Variants in CNTN4 observed in about 807,000 individuals in gnomAD.
CNTN4 encodes contactin-4.
A neutral mutation model predicts 122.5 loss-of-function variants in CNTN4; 77 were observed. The observed-to-expected ratio is 0.63, with a 90% confidence interval of 0.52 to 0.76. The LOEUF (loss-of-function observed/expected upper bound fraction) is 0.76, where lower values mean the gene tolerates loss of function less well. Ranked by LOEUF, CNTN4 falls within the 30% of genes least tolerant of loss-of-function variation. CNTN4 has a pLI of 0.00. For synonymous variants in CNTN4, 512 were observed against 447.0 expected, an observed-to-expected ratio of 1.15 and a Z score of -1.83; for missense variants, 1,256 against 1,259.1, an observed-to-expected ratio of 1.00 and a Z score of 0.04.
At chr3:2,785,044 A>G (rs1001902720) in intron 6 of CNTN4, among the ~76,000 whole-genome samples, 5 of 151,784 alleles carry the variant, frequency 3.3e-5, no homozygotes, top group Non-Finnish European at 5.9e-5. Flanking sequence ...TTATTTATTC[A>G]TTCTTCTAGT....
chr3:2,427,679 G>C (rs906576630), intron 3 of CNTN4, among the ~76,000 whole-genome samples: 1 of 150,194 alleles, frequency 6.7e-6, no homozygotes, highest in Non-Finnish European at 1.5e-5. Flanking sequence ...GGGTGTTAAA[G>C]TCTCCCATTA....
chr3:2,981,270 C>G (rs1192912107), intron 13 of CNTN4, among the ~76,000 whole-genome samples: 2 of 151,914 alleles, frequency 1.3e-5, no homozygotes, highest in Admixed American at 6.6e-5. Flanking sequence ...CAGTGAAACC[C>G]CGTCTCTACT....
chr3:2,865,768 C>T (rs541999208), intron 7 of CNTN4, among the ~76,000 whole-genome samples: 1 of 152,334 alleles, frequency 6.6e-6, no homozygotes, highest in South Asian at 2.1e-4. Flanking sequence ...CATTTATACT[C>T]ACTGTCATTT....
intron 3 of CNTN4, among the ~76,000 whole-genome samples, chr3:2,459,322 G>C (rs1158271618): frequency 6.6e-6 from 1 of 151,968 alleles, no homozygotes; most frequent in Non-Finnish European, 1.5e-5. Context: ...TGTGCATTTA[G>C]AATTGGCCAC....
chr3:2,455,458 C>T lies in CNTN4; in HGVS notation c.-88-115958C>T, dbSNP rs73804577. On this transcript the variant is annotated intron_variant, in intron 3 of 24. Coordinates refer to ENST00000418658, the MANE Select transcript of CNTN4 (RefSeq NM_175607.3). Reference sequence around the variant, plus strand: ...TAGAAAAGGGAGAAAGTGGGTCTTGCTTCCTTCCCTAGTCTTTTTTCTTTT... The same window carrying T: ...TAGAAAAGGGAGAAAGTGGGTCTTGTTTCCTTCCCTAGTCTTTTTTCTTTT... 9.8e-3 allele frequency among the ~76,000 whole-genome samples: 1,496 copies of T among 151,956 alleles called. 26 individuals are homozygous for T. Among genetic ancestry groups the T allele is most frequent in the African/African-American group, 0.033 (1,368 of 41,446 alleles).
chr3:2,113,737 A>T (rs2033136409), intron 2 of CNTN4, among the ~76,000 whole-genome samples: 1 of 152,224 alleles, frequency 6.6e-6, no homozygotes, highest in South Asian at 2.1e-4. Context: ...AATATAGTCA[A>T]TATGAATGGA....
At chr3:2,600,563 G>A (rs1445918615) in intron 4 of CNTN4, among the ~76,000 whole-genome samples, 6 of 152,136 alleles carry the variant, frequency 3.9e-5, no homozygotes, top group African/African-American at 1.4e-4. Context: ...GTATTCCATG[G>A]TGTCTATGTG....
rs867593042 is a variant in CNTN4 at position 2,462,164 on chromosome 3, C to T, written c.-88-109252C>T. Among the ~76,000 whole-genome samples the T allele has an allele frequency of 5.3e-5, 8 of 152,284 alleles. No homozygotes were observed. The Middle Eastern group carries it at 0.017, about 324-fold the overall frequency. On this transcript the variant is annotated intron_variant, in intron 3 of 24. Transcript: ENST00000418658. Reference sequence around the variant, plus strand: ...TATAACCACCTTTCTATGGTTATAACACACCATCAGTGGCATCCAGCAAAA... The same window carrying T: ...TATAACCACCTTTCTATGGTTATAATACACCATCAGTGGCATCCAGCAAAA...
chr3:2,547,458 G>A (rs2078296373), intron 3 of CNTN4, among the ~76,000 whole-genome samples: 1 of 151,962 alleles, frequency 6.6e-6, no homozygotes, highest in Non-Finnish European at 1.5e-5. Flanking sequence ...TAAAGATGGG[G>A]TTTCGCCATG....
At chr3:2,168,709 A>T (rs530444197) in intron 2 of CNTN4, among the ~76,000 whole-genome samples, 1 of 152,294 alleles carries the variant, frequency 6.6e-6, no homozygotes, top group African/African-American at 2.4e-5. Flanking sequence ...GATTCAAAAA[A>T]ATGAGTTCAT....
rs115830302 is a variant in CNTN4, at chr3:2,383,833, C to T, written c.-89+44600C>T. ...CTGTCTCCCTCTCCTCTCTCCCTAT[C>T]TCACTCCATATATATATAAATTCTG... On this transcript the variant is annotated intron_variant, in intron 3 of 24. Coordinates refer to ENST00000418658, the MANE Select transcript of CNTN4 (RefSeq NM_175607.3). Among the ~76,000 whole-genome samples, 381 of 151,726 alleles carry T rather than the reference C, an allele frequency of 2.5e-3. 2 individuals carry two copies. Among genetic ancestry groups the T allele is most frequent in the African/African-American group, 8.9e-3 (366 of 41,328 alleles).
chr3:2,660,130 A>G (rs1377313037), intron 4 of CNTN4, among the ~76,000 whole-genome samples: 1 of 152,212 alleles, frequency 6.6e-6, no homozygotes, highest in African/African-American at 2.4e-5. Flanking sequence ...GAGTGACCTC[A>G]GTTCATTTGA....
At chr3:2,190,626 G>T (rs2037485904) in intron 2 of CNTN4, among the ~76,000 whole-genome samples, 1 of 151,934 alleles carries the variant, frequency 6.6e-6, no homozygotes, top group Admixed American at 6.6e-5. Context: ...ATGGGTGGTA[G>T]GTGGGAGGGC....
intron 5 of CNTN4, among the ~76,000 whole-genome samples, chr3:2,741,544 A>G (rs1328164314): frequency 6.6e-6 from 1 of 152,232 alleles, no homozygotes; most frequent in African/African-American, 2.4e-5. Flanking sequence ...TAAACCAAGC[A>G]CTTGTCTTGG....
In CNTN4 at chr3:3,056,604, A is replaced by G. The variant is rs1701816983; in HGVS notation, c.*384A>G. 6.4e-6 allele frequency: 1 copy of G among 156,524 alleles called. No homozygotes were observed. Among genetic ancestry groups the G allele is most frequent in the Admixed American group, 6.3e-5 (1 of 15,782 alleles). 9.7% of individuals were successfully genotyped at this position (156,524 alleles called of 1,614,324 possible). A position where few individuals can be genotyped will look rare whatever the true frequency, so the allele number is the denominator to read the frequency against. ...ATGGGCAACACAATCATGCAATTAT[A>G]ATTTGAAAATATTTCCTTTAAAGAC... On this transcript the variant is annotated 3_prime_UTR_variant, in exon 25 of 25. Transcript: ENST00000418658.
chr3:2,435,332 TCCTGTATA>T (rs1484450870), intron 3 of CNTN4, among the ~76,000 whole-genome samples: 2 of 152,136 alleles, frequency 1.3e-5, no homozygotes, highest in African/African-American at 2.4e-5. Flanking sequence ...ATGCACATTC[TCCTGTATA>T]CCTTAAATCA....
intron 3 of CNTN4, among the ~76,000 whole-genome samples, chr3:2,412,511 C>G (rs1559529872): frequency 6.6e-6 from 1 of 152,150 alleles, no homozygotes. Flanking sequence ...CCTCAGCCTC[C>G]CAAAGTGCTG....
rs145006298 is a variant in CNTN4, at chr3:2,946,022, A to G, written c.1358+20243A>G. 9.3e-3 allele frequency among the ~76,000 whole-genome samples: 1,415 copies of G among 152,308 alleles called. 14 individuals carry two copies. The highest frequency in any genetic ancestry group is 0.015 in the Admixed American group (222 of 15,294). On this transcript the variant is annotated intron_variant, in intron 13 of 24. Coordinates refer to ENST00000418658, the MANE Select transcript of CNTN4 (RefSeq NM_175607.3). ...GAGTCTCATCTTCTTTCAAGGATGT[A>G]TATCTTTTCCTGTAGCTAATATAAT... is the stretch of plus-strand genomic sequence containing the variant.
At chr3:2,732,440 C>G (rs989262308) in intron 4 of CNTN4, among the ~76,000 whole-genome samples, 2 of 151,694 alleles carry the variant, frequency 1.3e-5, no homozygotes, top group African/African-American at 2.4e-5. Context: ...CTGCGATGCT[C>G]TTTACCTCTT....
Sources: gnomAD v4.1 joint callset for allele counts (sites outside exome capture counted in the v4.1 genomes callset) on GRCh38, gnomAD v4.1.1 for gene constraint, MANE v1.5 for transcripts, NCBI Gene and HGNC (gene_info 2026-07-23, HGNC 2026-07-21) for gene names.